The following UNC13C variants were observed in gnomAD, a reference collection of about 807,000 sequenced individuals.
UNC13C encodes the protein unc-13 homolog C, also known as protein unc-13 homolog C.
Under a neutral mutation model 245.4 loss-of-function variants are expected in UNC13C, and 174 were observed. That is an observed-to-expected ratio of 0.71 (90% CI 0.63 to 0.80). The LOEUF is 0.80. UNC13C is among the 30% of genes least tolerant of loss of function. The probability of loss-of-function intolerance (pLI) is 0.00; values close to 1 mark genes in which losing one functional copy is unlikely to be tolerated. For missense variants in UNC13C, 2,829 were observed against 2,602.9 expected, an observed-to-expected ratio of 1.09 and a Z score of -1.89; for synonymous variants, 992 against 895.1, an observed-to-expected ratio of 1.11 and a Z score of -1.93.
chr15:54,623,148 G>A (rs1056980089), intron 31 of UNC13C, among the ~76,000 whole-genome samples: 5 of 151,964 alleles, frequency 3.3e-5, no homozygotes, highest in East Asian at 1.9e-4. Flanking sequence ...AAGACACTTC[G>A]CTTGAGGATG....
chr15:54,256,301 G>T (rs985994853), intron 8 of UNC13C, among the ~76,000 whole-genome samples: 1 of 152,132 alleles, frequency 6.6e-6, no homozygotes, highest in Non-Finnish European at 1.5e-5. Context: ...AAACAGAGGT[G>T]TACTCTGGAT....
chr15:53,908,752 C>A, the UNC13C span, among the ~76,000 whole-genome samples: 791 of 88,110 alleles, frequency 9.0e-3, no homozygotes, highest in Non-Finnish European at 0.01. Flanking sequence ...AACCTTTCTC[C>A]AAAAAAAAAA....
intron 29 of UNC13C, 123 bp from the exon 30 acceptor site, chr15:54,567,677 A>T (rs958422490): frequency 7.6e-6 from 7 of 918,010 alleles, no homozygotes; most frequent in Non-Finnish European, 1.1e-5. Flanking sequence ...TGATGGAACC[A>T]TTTTTTTGTA....
At chr15:54,284,168 G>T (rs2037079788) in intron 10 of UNC13C, among the ~76,000 whole-genome samples, 1 of 152,118 alleles carries the variant, frequency 6.6e-6, no homozygotes, top group Non-Finnish European at 1.5e-5. Flanking sequence ...TTAAATAAAA[G>T]TCAGATTTGG....
the UNC13C span, among the ~76,000 whole-genome samples, chr15:53,902,648 G>C: frequency 1.3e-5 from 2 of 152,094 alleles, no homozygotes; most frequent in Non-Finnish European, 2.9e-5. Flanking sequence ...GCAAGGCAGT[G>C]GGAATATAGT....
chr15:54,245,621 A>T (rs559979230), intron 7 of UNC13C, among the ~76,000 whole-genome samples: 1 of 152,164 alleles, frequency 6.6e-6, no homozygotes, highest in Non-Finnish European at 1.5e-5. Context: ...ATTTTATCCT[A>T]GCATTGCTCT....
intron 10 of UNC13C, among the ~76,000 whole-genome samples, chr15:54,286,871 A>C: frequency 6.6e-6 from 1 of 152,198 alleles, no homozygotes; most frequent in Non-Finnish European, 1.5e-5. Context: ...TTTGAATGGA[A>C]TAAAAGACCT....
At chr15:54,362,951 G>A (rs1288259084) in intron 17 of UNC13C, among the ~76,000 whole-genome samples, 1 of 152,080 alleles carries the variant, frequency 6.6e-6, no homozygotes, top group African/African-American at 2.4e-5. Flanking sequence ...AAGAAGGATG[G>A]GGCATGGTGA....
chr15:54,008,088 T>C (rs1488387671), intron 1 of UNC13C, among the ~76,000 whole-genome samples: 1 of 152,240 alleles, frequency 6.6e-6, no homozygotes, highest in East Asian at 1.9e-4. Flanking sequence ...GGTAATGATT[T>C]AGCAATAAAT....
chr15:53,938,456 A>G, the UNC13C span, among the ~76,000 whole-genome samples: 1 of 152,202 alleles, frequency 6.6e-6, no homozygotes, highest in African/African-American at 2.4e-5. Flanking sequence ...TCATTGAGAC[A>G]GAAAATTAAC....
chr15:54,300,413 T>C (rs1480792420), intron 13 of UNC13C, 40 bp downstream of exon 13: 2 of 1,498,848 alleles, frequency 1.3e-6, no homozygotes, highest in Non-Finnish European at 1.8e-6. Context: ...ATATCTCTAT[T>C]AAAATATAAA....
intron 2 of UNC13C, among the ~76,000 whole-genome samples, chr15:54,117,718 C>T (rs1445482733): frequency 6.6e-6 from 1 of 151,978 alleles, no homozygotes; most frequent in Non-Finnish European, 1.5e-5. Flanking sequence ...GTACTTGGGG[C>T]TACCGGCACA....
At chr15:53,845,858 T>C in the UNC13C span, among the ~76,000 whole-genome samples, 1 of 152,156 alleles carries the variant, frequency 6.6e-6, no homozygotes, top group African/African-American at 2.4e-5. Flanking sequence ...TTTTCATTTT[T>C]GGGGCAAAAT....
intron 13 of UNC13C, among the ~76,000 whole-genome samples, chr15:54,308,464 G>A (rs781283619): frequency 7.6e-4 from 116 of 151,858 alleles, no homozygotes; most frequent in Non-Finnish European, 1.3e-3. Context: ...ACTAAATCTA[G>A]CTAATGAACA....
At chr15:54,000,745 T>C (rs1178150335) in intron 1 of UNC13C, among the ~76,000 whole-genome samples, 1 of 152,154 alleles carries the variant, frequency 6.6e-6, no homozygotes, top group African/African-American at 2.4e-5. Flanking sequence ...TAATCATATA[T>C]AAAGAATACT....
At chr15:54,243,036 G>A (rs899068871) in intron 7 of UNC13C, among the ~76,000 whole-genome samples, 1 of 152,064 alleles carries the variant, frequency 6.6e-6, no homozygotes, top group African/African-American at 2.4e-5. Context: ...TTGTTACACA[G>A]GTAAATGTGT....
At chr15:54,459,051 C>G (rs1007839045) in intron 19 of UNC13C, among the ~76,000 whole-genome samples, 5 of 152,014 alleles carry the variant, frequency 3.3e-5, no homozygotes, top group African/African-American at 9.7e-5. Flanking sequence ...TGTTTCAAGA[C>G]TTAAAATTCT....
At chr15:54,063,974 A>G (rs1434330808) in intron 2 of UNC13C, among the ~76,000 whole-genome samples, 2 of 152,198 alleles carry the variant, frequency 1.3e-5, no homozygotes, top group African/African-American at 4.8e-5. Flanking sequence ...AAGAATTTCT[A>G]AGATTTGGCC....
intron 28 of UNC13C, among the ~76,000 whole-genome samples, chr15:54,554,292 A>C (rs1253635481): frequency 6.6e-6 from 1 of 151,950 alleles, no homozygotes; most frequent in East Asian, 1.9e-4. Flanking sequence ...AGTAAGATAA[A>C]GGCCAAAATA....
Sources: allele counts gnomAD v4.1 joint callset (sites outside exome capture counted in the v4.1 genomes callset), GRCh38; gene constraint gnomAD v4.1.1; transcripts MANE v1.5; gene names NCBI Gene and HGNC (gene_info 2026-07-23, HGNC 2026-07-21).